PTPN21: variants seen among roughly 807,000 people sequenced by gnomAD.
PTPN21 encodes protein tyrosine phosphatase non-receptor type 21.
Under a neutral mutation model 131.8 loss-of-function variants are expected in PTPN21, and 77 were observed. That is an observed-to-expected ratio of 0.58 (90% CI 0.49 to 0.71). PTPN21 has a LOEUF of 0.71. Among genes scored for constraint, PTPN21 ranks in the 30% least tolerant of loss-of-function variants. The pLI, the probability that PTPN21 is intolerant of heterozygous loss-of-function variation, is 0.00. For missense variants in PTPN21, 1,552 were observed against 1,527.1 expected (o/e 1.02, Z -0.27); for synonymous variants, 715 against 621.3 (o/e 1.15, Z -2.24).
intron 10 of PTPN21, among the ~76,000 whole-genome samples, chr14:88,491,759 G>C (rs986200661): frequency 2.6e-4 from 39 of 152,140 alleles, no homozygotes. Flanking sequence ...GAAATCGACT[G>C]CCACAATCTA....
intron 2 of PTPN21, among the ~76,000 whole-genome samples, chr14:88,530,259 C>CA (rs1413354344): frequency 7.4e-6 from 1 of 135,462 alleles, no homozygotes; most frequent in African/African-American, 2.5e-5. Context: ...GCCAGCACTA[C>CA]AAAAAATGCT....
chr14:88,518,274 ACACACACACATACG>A (rs1172614117), intron 2 of PTPN21, among the ~76,000 whole-genome samples: 2 of 48,838 alleles, frequency 4.1e-5, no homozygotes, highest in Non-Finnish European at 7.9e-5. Flanking sequence ...ATATATATAT[ACACACACACATACG>A]CACACACACA....
intron 8 of PTPN21, among the ~76,000 whole-genome samples, chr14:88,498,297 A>C (rs552221608): frequency 6.6e-6 from 1 of 151,330 alleles, no homozygotes; most frequent in Admixed American, 6.6e-5. Flanking sequence ...AAACAGAAAA[A>C]AGAAAAAAAA....
intron 2 of PTPN21, among the ~76,000 whole-genome samples, chr14:88,532,749 T>C (rs1260621363): frequency 2.6e-5 from 4 of 152,118 alleles, no homozygotes; most frequent in African/African-American, 9.7e-5. Flanking sequence ...AGGGAAGTGA[T>C]GGGCAACATT....
chr14:88,517,648 A>C (rs1297385984), intron 2 of PTPN21, among the ~76,000 whole-genome samples: 1 of 146,904 alleles, frequency 6.8e-6, no homozygotes, highest in Non-Finnish European at 1.5e-5. Flanking sequence ...TTTATCATAT[A>C]TATGTATATA....
chr14:88,522,622 G>A (rs1409484843), intron 2 of PTPN21, among the ~76,000 whole-genome samples: 2 of 152,026 alleles, frequency 1.3e-5, no homozygotes, highest in Admixed American at 6.6e-5. Context: ...CTGCCCCAAT[G>A]TTCAAGTTCT....
rs936650793 is a variant in PTPN21 at position 88,467,197 on chromosome 14, C to T, written c.*940G>A. 2.4e-5 allele frequency: 3 copies of T among 122,666 alleles called. No homozygotes were observed. The highest frequency in any genetic ancestry group is 1.1e-4 in the African/African-American group (3 of 27,882). 7.6% of individuals were successfully genotyped at this position (122,666 alleles called of 1,614,324 possible). A position where few individuals can be genotyped will look rare whatever the true frequency, so the allele number is the denominator to read the frequency against. On this transcript the variant is annotated 3_prime_UTR_variant, in exon 19 of 19. Transcript: ENST00000556564. The stretch of plus-strand genomic sequence containing the variant: ...TACATACTCTTAGTCCTTAATCTCT[C>T]CCAAAACGCTTCTCAGCGCCCATTG...
intron 2 of PTPN21, among the ~76,000 whole-genome samples, chr14:88,533,077 GAAATAACTTATTTTCCAA>G (rs2078576571): frequency 6.6e-6 from 1 of 151,926 alleles, no homozygotes; most frequent in Admixed American, 6.6e-5. Flanking sequence ...TTATTTCCAA[GAAATAACTTATTTTCCAA>G]AAATAACTTA....
chr14:88,500,866 G>A lies in PTPN21; in HGVS notation c.681C>T (p.Ser227=), dbSNP rs1397155856. 1 of 1,609,934 alleles carries A rather than the reference G, an allele frequency of 6.2e-7. No individual in the cohort carries two copies. The highest frequency in any genetic ancestry group is 1.7e-5 in the Admixed American group (1 of 59,982). ...YGEESYPAKD[S]QGSDISIGAC... is the part of the protein sequence containing the mutation. ...CTCCAATGGATATGTCACTTCCTTG[G>A]CTATCCTACAAGGAGAAAGCAGAAG... The change falls in exon 8 of 19, where the codon AGC becomes AGT. Residue 227 remains serine, a synonymous_variant. Transcript: ENST00000556564.
chr14:88,535,748 T>C (rs2139347138), intron 2 of PTPN21, among the ~76,000 whole-genome samples: 1 of 152,312 alleles, frequency 6.6e-6, no homozygotes, highest in Admixed American at 6.5e-5. Context: ...AGTCTGAACA[T>C]ACCAGGACTT....
chr14:88,548,135 C>T (rs2078808970), intron 2 of PTPN21, among the ~76,000 whole-genome samples: 1 of 152,154 alleles, frequency 6.6e-6, no homozygotes, highest in Non-Finnish European at 1.5e-5. Context: ...ATTCCAACCA[C>T]CTCTCTCCAA....
Position 88,479,801 on chromosome 14 carries a change from T to C in PTPN21, c.1630A>G (p.Asn544Asp). Residue 544 changes from asparagine (N) to aspartate (D), a missense_variant, in exon 13 of 19, where the codon AAT becomes GAT. By Grantham distance (23) the Asn-to-Asp change is conservative. Coordinates refer to ENST00000556564, the MANE Select transcript of PTPN21 (RefSeq NM_007039.4). ...VGAVSVPELT[N>D]AQLQAQDYPS... ...TAGTCCTGCGCCTGCAGCTGCGCAT[T>C]GGTCAGCTCCGGCACGCTGACCGCG... 6.5e-7 allele frequency: 1 copy of C among 1,544,894 alleles called. No individual in the cohort carries two copies. Among genetic ancestry groups the C allele is most frequent in the Non-Finnish European group, 8.7e-7 (1 of 1,151,430 alleles).
intron 10 of PTPN21, among the ~76,000 whole-genome samples, chr14:88,495,043 GA>G: frequency 9.0e-6 from 1 of 111,696 alleles, no homozygotes. Flanking sequence ...AAAAAAAGAA[GA>G]GTGTCAGTGT....
Position 88,468,270 on chromosome 14 carries a change from G to C in PTPN21, c.3397-5C>G. Reference sequence around the variant, plus strand: ...CACTCTCGGGATGTCCAGCACCTAGGTTGAGAGAAACGGTAATGAAGATAA... The same window carrying C: ...CACTCTCGGGATGTCCAGCACCTAGCTTGAGAGAAACGGTAATGAAGATAA... On this transcript the variant is annotated splice_polypyrimidine_tract_variant and splice_region_variant and intron_variant, in intron 18 of 18. Coordinates refer to ENST00000556564, the MANE Select transcript of PTPN21 (RefSeq NM_007039.4). 1 of 1,591,708 alleles carries C rather than the reference G, an allele frequency of 6.3e-7. No individual in the cohort carries two copies. Among genetic ancestry groups the C allele is most frequent in the South Asian group, 1.1e-5 (1 of 87,498 alleles).
chr14:88,498,000 C>G (rs1403225467), intron 8 of PTPN21, among the ~76,000 whole-genome samples: 1 of 151,796 alleles, frequency 6.6e-6, no homozygotes, highest in Admixed American at 6.6e-5. Flanking sequence ...ACTTGGGAGG[C>G]TGAGGCAGGA....
At chr14:88,533,329 G>A (rs1157545430) in intron 2 of PTPN21, among the ~76,000 whole-genome samples, 1 of 152,264 alleles carries the variant, frequency 6.6e-6, no homozygotes, top group African/African-American at 2.4e-5. Flanking sequence ...CCACAAATGC[G>A]ATGGTGGTCC....
chr14:88,512,994 C>A (rs2078208843), intron 3 of PTPN21, among the ~76,000 whole-genome samples: 1 of 152,100 alleles, frequency 6.6e-6, no homozygotes, highest in Admixed American at 6.6e-5. Context: ...TGATTGTTAC[C>A]TCTTTATATA....
rs372881633 is a variant in PTPN21 at position 88,515,795 on chromosome 14, G to C, written c.350+1297C>G. Among the ~76,000 whole-genome samples the C allele has an allele frequency of 2.1e-4, 32 of 152,304 alleles. 1 individual carries two copies. Among genetic ancestry groups the C allele is most frequent in the African/African-American group, 7.5e-4 (31 of 41,554 alleles). On this transcript the variant is annotated intron_variant, in intron 3 of 18. Coordinates refer to ENST00000556564, the MANE Select transcript of PTPN21 (RefSeq NM_007039.4). ...ACTGTGAGCAGCTCCTCCAGGGTGGGATTAAAGCATATTCACCTCCCACTC... is the reference window on the plus strand; with the variant it reads ...ACTGTGAGCAGCTCCTCCAGGGTGGCATTAAAGCATATTCACCTCCCACTC...
At chr14:88,541,189 ACCAAT>A (rs2078700405) in intron 2 of PTPN21, among the ~76,000 whole-genome samples, 1 of 152,234 alleles carries the variant, frequency 6.6e-6, no homozygotes, top group Non-Finnish European at 1.5e-5. Flanking sequence ...ACTACATGCT[ACCAAT>A]CCTCATGAAG....
Sources: allele counts gnomAD v4.1 joint callset (sites outside exome capture counted in the v4.1 genomes callset), GRCh38; gene constraint gnomAD v4.1.1; transcripts MANE v1.5; gene names NCBI Gene and HGNC (gene_info 2026-07-23, HGNC 2026-07-21).